TARS3: variants seen among roughly 807,000 people sequenced by gnomAD.
TARS3 encodes the protein threonyl-tRNA synthetase 3.
In TARS3, 94 loss-of-function variants were observed where a neutral mutation model predicts 103.5. The ratio of observed to expected loss-of-function variants is 0.91; its 90% CI spans 0.77 to 1.08. The LOEUF (loss-of-function observed/expected upper bound fraction) is 1.08, where lower values mean the gene tolerates loss of function less well. TARS3 is among the 50% of genes least tolerant of loss of function. The pLI is 0.00. For synonymous variants in TARS3, 416 were observed against 355.4 expected (o/e 1.17, Z -1.92); for missense variants, 952 against 995.2 (o/e 0.96, Z 0.58).
intron 7 of TARS3, among the ~76,000 whole-genome samples, chr15:101,704,664 A>G (rs1423086140): frequency 6.9e-6 from 1 of 145,866 alleles, no homozygotes; most frequent in East Asian, 2.0e-4. Context: ...CAAAAAATTA[A>G]AAAAAAAAAA....
intron 3 of TARS3, among the ~76,000 whole-genome samples, chr15:101,716,575 A>C (rs1393033535): frequency 6.6e-6 from 1 of 152,164 alleles, no homozygotes; most frequent in Non-Finnish European, 1.5e-5. Flanking sequence ...AGAGGAACCA[A>C]TATTTGCTAG....
chr15:101,703,036 C>G (rs1330285136), intron 8 of TARS3, among the ~76,000 whole-genome samples: 3 of 152,114 alleles, frequency 2.0e-5, no homozygotes, highest in African/African-American at 7.2e-5. Context: ...TCTTGCTGAC[C>G]TACAGTCAAT....
rs1897137991 is a variant in TARS3, at chr15:101,654,823, T to C, written c.2261-93A>G. On this transcript the variant is annotated intron_variant, in intron 18 of 18. Coordinates refer to ENST00000335968, the MANE Select transcript of TARS3 (RefSeq NM_152334.3). ...CCATGACATGTTTTTATCAAGTTTT[T>C]CTTCACTAATATTAAATATCATCTA... 3.3e-6 allele frequency: 4 copies of C among 1,206,242 alleles called. No individual in the cohort carries two copies. In the South Asian group the frequency reaches 4.1e-5, roughly 12 times the overall value. 74.7% of individuals were successfully genotyped at this position (1,206,242 alleles called of 1,614,324 possible). A position where few individuals can be genotyped will look rare whatever the true frequency, so the allele number is the denominator to read the frequency against.
chr15:101,661,248 T>C (rs543634404), intron 16 of TARS3, among the ~76,000 whole-genome samples: 2 of 152,092 alleles, frequency 1.3e-5, no homozygotes, highest in African/African-American at 4.8e-5. Context: ...TTTGAGTTTG[T>C]GCCATTTATG....
At chr15:101,714,493 T>C (rs1229944522) in intron 4 of TARS3, among the ~76,000 whole-genome samples, 1 of 150,934 alleles carries the variant, frequency 6.6e-6, no homozygotes, top group African/African-American at 2.4e-5. Context: ...TAGTCCCAGG[T>C]AGCTGGGAGG....
chr15:101,689,835 C>T (rs1265411113), intron 10 of TARS3, among the ~76,000 whole-genome samples: 2 of 152,176 alleles, frequency 1.3e-5, no homozygotes, highest in Admixed American at 1.3e-4. Flanking sequence ...CTAATGCACC[C>T]ACCAAATAAA....
At chr15:101,684,288 ATAAT>A in intron 11 of TARS3, 51 bp from the exon 12 acceptor site, 1 of 1,463,370 alleles carries the variant, frequency 6.8e-7, no homozygotes, top group Non-Finnish European at 9.2e-7. Flanking sequence ...GAAATATTAA[ATAAT>A]TATCTAAATA....
intron 3 of TARS3, among the ~76,000 whole-genome samples, chr15:101,715,484 G>C (rs1316278791): frequency 6.6e-6 from 1 of 152,134 alleles, no homozygotes; most frequent in Non-Finnish European, 1.5e-5. Context: ...AACTGAGAAA[G>C]CCCACAAGAT....
intron 7 of TARS3, among the ~76,000 whole-genome samples, chr15:101,704,469 A>G (rs2141433749): frequency 6.6e-6 from 1 of 152,242 alleles, no homozygotes; most frequent in East Asian, 1.9e-4. Flanking sequence ...CCTCGCCAAC[A>G]TAGTGAAACC....
intron 12 of TARS3, among the ~76,000 whole-genome samples, chr15:101,681,751 T>C (rs1898264051): frequency 6.6e-6 from 1 of 151,948 alleles, no homozygotes; most frequent in African/African-American, 2.4e-5. Flanking sequence ...TCCATCTTCA[T>C]AATCTCATCT....
chr15:101,681,273 C>T lies in TARS3; in HGVS notation c.1650+2802G>A, dbSNP rs2087957. Reference sequence around the variant, plus strand: ...ATTCTAGGTTCTTGTGCTTTCTATACGAATTTTAGAATCAGCATGTCAACT... The same window carrying T: ...ATTCTAGGTTCTTGTGCTTTCTATATGAATTTTAGAATCAGCATGTCAACT... On this transcript the variant is annotated intron_variant, in intron 12 of 18. Transcript: ENST00000335968. Among the ~76,000 whole-genome samples the T allele has an allele frequency of 7.1e-3, 1,081 of 152,190 alleles. 13 individuals carry two copies. Among genetic ancestry groups the T allele is most frequent in the African/African-American group, 0.023 (956 of 41,524 alleles).
chr15:101,707,176 AAAAAC>A (rs1156749194), intron 6 of TARS3, among the ~76,000 whole-genome samples: 1 of 152,232 alleles, frequency 6.6e-6, no homozygotes, highest in East Asian at 1.9e-4. Flanking sequence ...TGATTAAAAA[AAAAAC>A]AAAACAAGTG....
chr15:101,705,860 G>C, intron 6 of TARS3, 113 bp from the exon 7 acceptor site: 1 of 876,734 alleles, frequency 1.1e-6, no homozygotes, highest in South Asian at 1.5e-5. Flanking sequence ...TCTAGGTGCT[G>C]AGACACGAGG....
In TARS3 at chr15:101,724,255, C is replaced by T; in HGVS notation, c.133G>A (p.Ala45Thr). 1.9e-6 allele frequency: 3 copies of T among 1,561,668 alleles called. No individual in the cohort carries two copies. Among genetic ancestry groups the T allele is most frequent in the East Asian group, 2.4e-5 (1 of 41,324 alleles). ...EQLNAPYSCQ[A>T]EGPCLTREVA... ...TCCCGCGTGAGGCACGGCCCCTCCGCCTGGCAGCTGTAGGGCGCGTTCAGC... is the reference window on the plus strand; with the variant it reads ...TCCCGCGTGAGGCACGGCCCCTCCGTCTGGCAGCTGTAGGGCGCGTTCAGC... The change falls in exon 1 of 19, where the codon GCG becomes ACG. Residue 45 changes from alanine (A) to threonine (T), a missense_variant. Ala to Thr is a moderately conservative substitution (Grantham distance 58). Coordinates refer to ENST00000335968, the MANE Select transcript of TARS3 (RefSeq NM_152334.3).
chr15:101,709,550 G>A (rs1260782670), intron 5 of TARS3, among the ~76,000 whole-genome samples: 4 of 152,114 alleles, frequency 2.6e-5, no homozygotes, highest in East Asian at 3.8e-4. Flanking sequence ...CCTCCACTCC[G>A]GTCGGCTTCA....
intron 11 of TARS3, among the ~76,000 whole-genome samples, chr15:101,685,531 T>C (rs1010022116): frequency 3.9e-5 from 6 of 152,192 alleles, no homozygotes; most frequent in Non-Finnish European, 2.9e-5. Flanking sequence ...TATGACCTCA[T>C]TGATCTTGTT....
rs1897123419 is a variant in TARS3, at chr15:101,654,440, C to T, written c.*142G>A. The stretch of plus-strand genomic sequence containing the variant: ...TTAAACTTCGTGCATGTCAGCTACA[C>T]GTTCATCGTCTCCTTTCTCAGCTGA... On this transcript the variant is annotated 3_prime_UTR_variant, in exon 19 of 19. Coordinates refer to ENST00000335968, the MANE Select transcript of TARS3 (RefSeq NM_152334.3). 4 of 842,080 alleles carry T rather than the reference C, an allele frequency of 4.8e-6. No individual in the cohort carries two copies. The highest frequency in any genetic ancestry group is 3.3e-5 in the Admixed American group (1 of 30,526). 52.2% of individuals were successfully genotyped at this position (842,080 alleles called of 1,614,324 possible).
intron 12 of TARS3, among the ~76,000 whole-genome samples, chr15:101,678,104 C>T (rs2141399157): frequency 6.6e-6 from 1 of 151,962 alleles, no homozygotes; most frequent in African/African-American, 2.4e-5. Flanking sequence ...CCTCAGCATC[C>T]TGATAGCTGG....
At chr15:101,676,076 A>G (rs574143788) in intron 12 of TARS3, among the ~76,000 whole-genome samples, 5 of 152,338 alleles carry the variant, frequency 3.3e-5, no homozygotes, top group Non-Finnish European at 7.3e-5. Context: ...GAGCTCTGTG[A>G]GCAGAGGACA....
Sources: gnomAD v4.1 joint callset for allele counts (sites outside exome capture counted in the v4.1 genomes callset) on GRCh38, gnomAD v4.1.1 for gene constraint, MANE v1.5 for transcripts, NCBI Gene and HGNC (gene_info 2026-07-23, HGNC 2026-07-21) for gene names.